SGMS1: variants seen among roughly 807,000 people sequenced by gnomAD.
The protein encoded by SGMS1 is sphingomyelin synthase 1.
Under a neutral mutation model 46.2 loss-of-function variants are expected in SGMS1, and 13 were observed. The observed-to-expected ratio is 0.28, with a 90% CI of 0.18 to 0.45. The LOEUF is 0.45. Among genes scored for constraint, SGMS1 ranks in the 20% least tolerant of loss-of-function variants. The pLI is 1.00. For missense variants in SGMS1, 324 were observed against 519.9 expected, an observed-to-expected ratio of 0.62 and a Z score of 3.66; for synonymous variants, 203 against 187.8, an observed-to-expected ratio of 1.08 and a Z score of -0.66.
At chr10:50,496,316 A>G (rs1837614842) in intron 3 of SGMS1, among the ~76,000 whole-genome samples, 1 of 152,240 alleles carries the variant, frequency 6.6e-6, no homozygotes, top group Non-Finnish European at 1.5e-5. Context: ...AAACTTCAAA[A>G]AAAGTACTCT....
chr10:50,360,996 A>G (rs1466058981), intron 6 of SGMS1, among the ~76,000 whole-genome samples: 1 of 152,206 alleles, frequency 6.6e-6, no homozygotes, highest in Non-Finnish European at 1.5e-5. Context: ...TCTAAAGCAT[A>G]CCCACAGTGC....
At chr10:50,544,336 C>T (rs1303663988) in intron 2 of SGMS1, among the ~76,000 whole-genome samples, 1 of 152,176 alleles carries the variant, frequency 6.6e-6, no homozygotes, top group African/African-American at 2.4e-5. Flanking sequence ...CTCTTACAGA[C>T]ACCATGACAA....
At chr10:50,467,337 T>C (rs1837339450) in intron 3 of SGMS1, among the ~76,000 whole-genome samples, 1 of 152,180 alleles carries the variant, frequency 6.6e-6, no homozygotes, top group Admixed American at 6.6e-5. Flanking sequence ...CTGGGATAAA[T>C]TTTCATTTTT....
At chr10:50,596,075 G>A (rs1438552246) in intron 1 of SGMS1, among the ~76,000 whole-genome samples, 1 of 152,156 alleles carries the variant, frequency 6.6e-6, no homozygotes, top group Non-Finnish European at 1.5e-5. Context: ...GGAAATAGCA[G>A]GGAGGTAATT....
At chr10:50,575,641 T>C (rs78589795) in intron 2 of SGMS1, among the ~76,000 whole-genome samples, 4,340 of 151,898 alleles carry the variant, frequency 0.029, 206 homozygotes, top group African/African-American at 0.099. Context: ...CAGGAAACTT[T>C]TGGAGGTGAT....
At chr10:50,564,411 A>G (rs1327367201) in intron 2 of SGMS1, among the ~76,000 whole-genome samples, 1 of 152,236 alleles carries the variant, frequency 6.6e-6, no homozygotes, top group African/African-American at 2.4e-5. Context: ...AGGCACCTGC[A>G]ATATGACATT....
At chr10:50,498,832 G>A (rs117576829) in intron 3 of SGMS1, among the ~76,000 whole-genome samples, 1,585 of 152,302 alleles carry the variant, frequency 0.01, 7 homozygotes, top group Non-Finnish European at 0.017. Flanking sequence ...AAACCCAGAA[G>A]TGGAATTGCT....
At chr10:50,461,757 T>TA (rs757681067) in intron 4 of SGMS1, among the ~76,000 whole-genome samples, 1 of 152,160 alleles carries the variant, frequency 6.6e-6, no homozygotes, top group Non-Finnish European at 1.5e-5. Flanking sequence ...CTAACAGGCT[T>TA]AATTCTATAA....
chr10:50,499,072 C>CT (rs1263213486), intron 3 of SGMS1, among the ~76,000 whole-genome samples: 1 of 152,152 alleles, frequency 6.6e-6, no homozygotes, highest in Admixed American at 6.5e-5. Flanking sequence ...TTTGTCCCAT[C>CT]TATGCAATTG....
intron 2 of SGMS1, among the ~76,000 whole-genome samples, chr10:50,549,947 T>TA (rs1333049820): frequency 6.6e-6 from 1 of 152,142 alleles, no homozygotes; most frequent in Non-Finnish European, 1.5e-5. Context: ...CCACAGCTAT[T>TA]AAAAGCTACA....
At chr10:50,470,951 CAG>C (rs1837373418) in intron 3 of SGMS1, among the ~76,000 whole-genome samples, 1 of 152,162 alleles carries the variant, frequency 6.6e-6, no homozygotes, top group South Asian at 2.1e-4. Flanking sequence ...AAGGAAAGAA[CAG>C]ACTTACACAT....
intron 6 of SGMS1, among the ~76,000 whole-genome samples, chr10:50,425,766 C>T (rs1400365733): frequency 2.6e-5 from 4 of 152,104 alleles, no homozygotes; most frequent in African/African-American, 7.2e-5. Context: ...TTTAAAAAGC[C>T]GTGAATATTT....
At chr10:50,597,698 T>A (rs1301374749) in intron 1 of SGMS1, among the ~76,000 whole-genome samples, 1 of 152,078 alleles carries the variant, frequency 6.6e-6, no homozygotes. Flanking sequence ...GGTGGTTGCG[T>A]GAATTAATGT....
intron 1 of SGMS1, among the ~76,000 whole-genome samples, chr10:50,596,656 C>T (rs1838597351): frequency 6.6e-6 from 1 of 152,104 alleles, no homozygotes; most frequent in African/African-American, 2.4e-5. Flanking sequence ...AGAAAAGTGG[C>T]CAGGGAGGGA....
intron 6 of SGMS1, among the ~76,000 whole-genome samples, chr10:50,409,460 C>G (rs962889821): frequency 5.9e-5 from 9 of 152,222 alleles, no homozygotes; most frequent in African/African-American, 2.2e-4. Context: ...CCTCTACAGT[C>G]TTCCCAAGAC....
chr10:50,344,571 T>C (rs188475465), intron 6 of SGMS1, among the ~76,000 whole-genome samples: 11 of 152,186 alleles, frequency 7.2e-5, no homozygotes, highest in African/African-American at 2.4e-4. Flanking sequence ...ACATATTTTA[T>C]AGAATTTCCA....
chr10:50,379,436 A>ATT (rs1461684982), intron 6 of SGMS1, among the ~76,000 whole-genome samples: 2 of 92,462 alleles, frequency 2.2e-5, no homozygotes, highest in African/African-American at 1.1e-4. Flanking sequence ...GGGCATATAC[A>ATT]TTTATATATA....
At chr10:50,521,216 G>C (rs1338243889) in intron 2 of SGMS1, among the ~76,000 whole-genome samples, 1 of 152,136 alleles carries the variant, frequency 6.6e-6, no homozygotes, top group Non-Finnish European at 1.5e-5. Flanking sequence ...CAGAAGAGTT[G>C]TAGAATAATA....
rs187430054 is a variant in SGMS1, at chr10:50,478,987, G to A, written c.-497-12055C>T. Among the ~76,000 whole-genome samples, 141 of 147,870 alleles carry A rather than the reference G, an allele frequency of 9.5e-4. 1 individual carries two copies. Among genetic ancestry groups the A allele is most frequent in the African/African-American group, 3.4e-3 (138 of 40,712 alleles). ...TCAGTTTCCAACCTTTCTTTTCAGGGGCCATCCACCCCCCAACCAGTTCCT... is the reference window on the plus strand; with the variant it reads ...TCAGTTTCCAACCTTTCTTTTCAGGAGCCATCCACCCCCCAACCAGTTCCT... On this transcript the variant is annotated intron_variant, in intron 3 of 10. Coordinates refer to ENST00000361781, the MANE Select transcript of SGMS1 (RefSeq NM_147156.4).
Sources: gnomAD v4.1 joint callset for allele counts (sites outside exome capture counted in the v4.1 genomes callset) on GRCh38, gnomAD v4.1.1 for gene constraint, MANE v1.5 for transcripts, NCBI Gene and HGNC (gene_info 2026-07-23, HGNC 2026-07-21) for gene names.